Variants in XPR1 observed in about 807,000 individuals in gnomAD.
XPR1 encodes the protein xenotropic and polytropic retrovirus receptor 1.
In XPR1, 28 loss-of-function variants were observed where a neutral mutation model predicts 87.5. The observed-to-expected ratio is 0.32, with a 90% CI of 0.24 to 0.44. The LOEUF is 0.44. XPR1 is among the 20% of genes least tolerant of loss of function. The pLI is 1.00. For missense variants in XPR1, 559 were observed against 862.3 expected (o/e 0.65, Z 4.41); for synonymous variants, 300 against 306.1 (o/e 0.98, Z 0.21).
At chr1:180,804,359 TAATA>T (rs1474688883) in intron 4 of XPR1, among the ~76,000 whole-genome samples, 1 of 152,246 alleles carries the variant, frequency 6.6e-6, no homozygotes, top group Non-Finnish European at 1.5e-5. Context: ...CAGCTGACAC[TAATA>T]AAACAAAGAC....
chr1:180,694,883 T>C (rs1272501454), intron 2 of XPR1, among the ~76,000 whole-genome samples: 1 of 152,156 alleles, frequency 6.6e-6, no homozygotes, highest in Non-Finnish European at 1.5e-5. Context: ...ATGTTGGTGC[T>C]GATATCCCTT....
chr1:180,634,656 G>T (rs1437590398), intron 1 of XPR1, among the ~76,000 whole-genome samples: 5 of 152,050 alleles, frequency 3.3e-5, no homozygotes, highest in Non-Finnish European at 7.4e-5. Context: ...TTCAAGCACT[G>T]GTGGTGAAAT....
At chr1:180,709,203 G>A (rs1015250397) in intron 2 of XPR1, among the ~76,000 whole-genome samples, 24 of 152,138 alleles carry the variant, frequency 1.6e-4, no homozygotes, top group African/African-American at 5.1e-4. Context: ...GGCATGAGCC[G>A]CCGTGCCCGG....
chr1:180,851,443 A>T (rs1056133738), intron 11 of XPR1, among the ~76,000 whole-genome samples: 1 of 152,208 alleles, frequency 6.6e-6, no homozygotes, highest in Non-Finnish European at 1.5e-5. Context: ...AATTATTGGC[A>T]TTTATCCACA....
chr1:180,825,880 G>A (rs991193299), intron 9 of XPR1, among the ~76,000 whole-genome samples: 5 of 151,996 alleles, frequency 3.3e-5, no homozygotes, highest in Admixed American at 6.6e-5. Context: ...GTGAAACCCC[G>A]TCTCTACTAA....
chr1:180,831,351 C>CTTTTTT (rs761265418), intron 9 of XPR1, among the ~76,000 whole-genome samples: 2 of 96,062 alleles, frequency 2.1e-5, no homozygotes, highest in African/African-American at 3.9e-5. Context: ...TTTCTATTTT[C>CTTTTTT]TTTTCTTTTT....
chr1:180,641,571 A>G (rs1184559574), intron 1 of XPR1, among the ~76,000 whole-genome samples: 1 of 152,128 alleles, frequency 6.6e-6, no homozygotes, highest in East Asian at 1.9e-4. Context: ...CTGTGTCTGT[A>G]TATTTGTTTT....
At chr1:180,764,994 C>A (rs143550396) in intron 2 of XPR1, among the ~76,000 whole-genome samples, 112 of 150,324 alleles carry the variant, frequency 7.5e-4, no homozygotes, top group African/African-American at 2.5e-3. Flanking sequence ...ACTGTTTTAG[C>A]CAGGATGGTC....
At chr1:180,842,472 G>A (rs1318838158) in intron 11 of XPR1, among the ~76,000 whole-genome samples, 3 of 152,096 alleles carry the variant, frequency 2.0e-5, no homozygotes, top group East Asian at 3.9e-4. Flanking sequence ...AGGAAAACAC[G>A]TTTGAAATAT....
chr1:180,832,839 A>G (rs1281232044), intron 9 of XPR1, among the ~76,000 whole-genome samples: 3 of 152,172 alleles, frequency 2.0e-5, no homozygotes, highest in African/African-American at 4.8e-5. Context: ...TGTCTTGGCT[A>G]TGTGGGCTCT....
At chr1:180,749,635 T>C (rs1197884587) in intron 2 of XPR1, among the ~76,000 whole-genome samples, 2 of 69,844 alleles carry the variant, frequency 2.9e-5, no homozygotes, top group Non-Finnish European at 6.0e-5. Flanking sequence ...TAAACACATA[T>C]ACATCACACA....
chr1:180,839,348 A>G (rs114485017), intron 11 of XPR1, among the ~76,000 whole-genome samples: 1,922 of 152,362 alleles, frequency 0.013, 31 homozygotes, highest in African/African-American at 0.044. Flanking sequence ...ACAGTAGACC[A>G]TCGTATGATT....
chr1:180,704,739 A>G (rs1657494848), intron 2 of XPR1, among the ~76,000 whole-genome samples: 1 of 149,302 alleles, frequency 6.7e-6, no homozygotes, highest in Non-Finnish European at 1.5e-5. Flanking sequence ...TTGATATTAC[A>G]AAAATTTCCA....
intron 2 of XPR1, among the ~76,000 whole-genome samples, chr1:180,784,307 A>T (rs1649053273): frequency 6.6e-6 from 1 of 151,984 alleles, no homozygotes. Context: ...TTCCTTTTTT[A>T]AAAAAGTTGC....
At chr1:180,782,723 C>T (rs561167350) in intron 2 of XPR1, among the ~76,000 whole-genome samples, 5 of 152,068 alleles carry the variant, frequency 3.3e-5, no homozygotes, top group South Asian at 2.1e-4. Context: ...AGGGCTCCCA[C>T]ATATGATTTT....
intron 2 of XPR1, among the ~76,000 whole-genome samples, chr1:180,718,226 G>A (rs1477651125): frequency 6.6e-6 from 1 of 152,138 alleles, no homozygotes; most frequent in Non-Finnish European, 1.5e-5. Context: ...CTAGAAATGA[G>A]CCATCAATAC....
intron 2 of XPR1, among the ~76,000 whole-genome samples, chr1:180,780,533 C>CT (rs1231737219): frequency 6.6e-6 from 1 of 152,132 alleles, no homozygotes; most frequent in Admixed American, 6.5e-5. Flanking sequence ...TTAGAGGAGT[C>CT]TTTTTGACAT....
chr1:180,637,793 A>T (rs1654834276), intron 1 of XPR1, among the ~76,000 whole-genome samples: 1 of 152,134 alleles, frequency 6.6e-6, no homozygotes, highest in Non-Finnish European at 1.5e-5. Flanking sequence ...TTCTCACGTG[A>T]TCCGCCTGCC....
intron 2 of XPR1, among the ~76,000 whole-genome samples, chr1:180,773,971 T>C (rs1042442462): frequency 3.9e-5 from 6 of 152,236 alleles, no homozygotes; most frequent in African/African-American, 1.4e-4. Flanking sequence ...AAAAATTGCA[T>C]TTTCATAGTC....
Sources: gnomAD v4.1 joint callset for allele counts (sites outside exome capture counted in the v4.1 genomes callset) on GRCh38, gnomAD v4.1.1 for gene constraint, MANE v1.5 for transcripts, NCBI Gene and HGNC (gene_info 2026-07-23, HGNC 2026-07-21) for gene names.